OPN4: variants seen among roughly 807,000 people sequenced by gnomAD.
OPN4 encodes the protein melanopsin.
Under a neutral mutation model 49.5 loss-of-function variants are expected in OPN4, and 43 were observed. The ratio of observed to expected loss-of-function variants is 0.87; its 90% CI spans 0.68 to 1.12. The LOEUF (loss-of-function observed/expected upper bound fraction) is 1.12, where lower values mean the gene tolerates loss of function less well. OPN4 is among the 50% of genes most tolerant of loss of function. The probability of loss-of-function intolerance (pLI) is 0.00; values close to 1 mark genes in which losing one functional copy is unlikely to be tolerated. For missense variants in OPN4, 657 were observed against 643.9 expected (o/e 1.02, Z -0.22); for synonymous variants, 263 against 258.0 (o/e 1.02, Z -0.19).
At chr10:86,659,520 C>T (rs1373907767) in intron 5 of OPN4, 52 bp downstream of exon 5, 1 of 1,579,202 alleles carries the variant, frequency 6.3e-7, no homozygotes, top group Non-Finnish European at 8.6e-7. Flanking sequence ...GCCCCTCGGC[C>T]AGGCGGCCCC....
Position 86,666,428 on chromosome 10 carries a change from A to T in OPN4, c.*677A>T. 1.5e-5 allele frequency: 3 copies of T among 206,062 alleles called. No individual in the cohort carries two copies. The highest frequency in any genetic ancestry group is 8.8e-5 in the South Asian group (1 of 11,364). 12.8% of individuals were successfully genotyped at this position (206,062 alleles called of 1,614,324 possible). A position where few individuals can be genotyped will look rare whatever the true frequency, so the allele number is the denominator to read the frequency against. On this transcript the variant is annotated 3_prime_UTR_variant, in exon 10 of 10. Transcript: ENST00000241891. ...TGTGTGGATCTGACAGGGTATAGGA[A>T]AATAAAAAGCGGAGAAGGTGTCTTC... is the stretch of plus-strand genomic sequence containing the variant.
At position 86,659,291 on chromosome 10, in the gene OPN4, T is replaced by G. The variant is rs550007541; in HGVS notation, c.629-6T>G. ...CCAAAGGCTGAGCACCTGCCCTGGC[T>G]CCCAGGCGCCTACGTGCCCGAGGGG... is the stretch of plus-strand genomic sequence containing the variant. On this transcript the variant is annotated splice_polypyrimidine_tract_variant and splice_region_variant and intron_variant, in intron 4 of 9. Coordinates refer to ENST00000241891, the MANE Select transcript of OPN4 (RefSeq NM_033282.4). 1 of 1,609,182 alleles carries G rather than the reference T, an allele frequency of 6.2e-7. No homozygotes were observed. The highest frequency in any genetic ancestry group is 1.3e-5 in the African/African-American group (1 of 75,040).
chr10:86,659,862 T>G, intron 5 of OPN4, 33 bp from the exon 6 acceptor site: 1 of 1,608,184 alleles, frequency 6.2e-7, no homozygotes, highest in South Asian at 1.1e-5. Flanking sequence ...GCCACCCGAC[T>G]AGGGTCAGAC....
At chr10:86,660,763 C>G (rs141505508) in intron 6 of OPN4, among the ~76,000 whole-genome samples, 1 of 152,154 alleles carries the variant, frequency 6.6e-6, no homozygotes, top group Non-Finnish European at 1.5e-5. Context: ...ACCCCAAATT[C>G]GGCACATCTT....
intron 6 of OPN4, among the ~76,000 whole-genome samples, chr10:86,660,439 G>A (rs567199892): frequency 7.1e-4 from 108 of 152,350 alleles, no homozygotes; most frequent in South Asian, 1.2e-3. Flanking sequence ...CTAGCCCTTT[G>A]TGGCTAGAGT....
Position 86,656,237 on chromosome 10 carries a change from T to C in OPN4, c.227T>C (p.Val76Ala), listed in dbSNP as rs767077978. The part of the protein sequence containing the change: ...PDHAHYTLGT[V>A]ILLVGLTGML... ...CATGCCCACTATACCCTGGGCACAG[T>C]GATCTTGCTGGTGGGACTCACGGGG... The change falls in exon 2 of 10, where the codon GTG (valine) becomes GCG (alanine). Residue 76 changes from valine to alanine, a missense_variant. By Grantham distance (64) the Val-to-Ala change is moderately conservative. Transcript: ENST00000241891. 6 of 1,613,836 alleles carry C rather than the reference T, an allele frequency of 3.7e-6. No homozygotes were observed. In the African/African-American group the frequency reaches 5.3e-5, roughly 14 times the overall value.
At chr10:86,664,390 C>T (rs1844093466) in intron 9 of OPN4, among the ~76,000 whole-genome samples, 1 of 152,184 alleles carries the variant, frequency 6.6e-6, no homozygotes, top group African/African-American at 2.4e-5. Context: ...ATCAGGATGT[C>T]ACCCGGAATA....
rs1036039439 is a variant in OPN4 at position 86,659,183 on chromosome 10, A to G, written c.629-114A>G. On this transcript the variant is annotated intron_variant, in intron 4 of 9. Transcript: ENST00000241891. ...CTTCCTCACTGCATGGGACAGGGCC[A>G]GGTCAGGGCCAGGGCTGTGTATGGG... 5.1e-6 allele frequency: 4 copies of G among 779,288 alleles called. No homozygotes were observed. In the African/African-American group the frequency reaches 5.2e-5, roughly 10 times the overall value. 48.3% of individuals were successfully genotyped at this position (779,288 alleles called of 1,614,324 possible).
chr10:86,660,194 C>A (rs1843971091), intron 6 of OPN4, 135 bp downstream of exon 6: 1 of 1,013,900 alleles, frequency 9.9e-7, no homozygotes, highest in Non-Finnish European at 1.4e-6. Context: ...ACAGCTTATT[C>A]TCTCCCTGGG....
chr10:86,660,337 C>T (rs969768949), intron 6 of OPN4, among the ~76,000 whole-genome samples: 54 of 152,192 alleles, frequency 3.5e-4, no homozygotes, highest in African/African-American at 1.1e-3. Context: ...CACACAGTTC[C>T]TCTTGAGGTC....
At chr10:86,657,375 A>G (rs1287349774) in intron 2 of OPN4, 2 of 642,496 alleles carry the variant, frequency 3.1e-6, no homozygotes, top group African/African-American at 1.8e-5. Flanking sequence ...ATGGATGATG[A>G]CAGGAGCCGA....
chr10:86,654,813 GC>G lies in OPN4; in HGVS notation c.33del (p.Ser12AlafsTer65). The G allele has an allele frequency of 7.4e-7, 1 of 1,356,368 alleles. No individual in the cohort carries two copies. Among genetic ancestry groups the G allele is most frequent in the Non-Finnish European group, 1.0e-6 (1 of 975,862 alleles). The allele number at this position is 1,356,368 out of a possible 1,614,324, so 84.0% of individuals were successfully genotyped here. The stretch of plus-strand genomic sequence containing the variant: ...ACCCTCCTTCGGGGCCAAGAGTCCC[GC>G]CCAGCCCAACCCAAGAGCCCAGCTG... MNPPSGPRVP[P>X]SPTQEPSCMA... On this transcript the variant is annotated frameshift_variant, in exon 1 of 10. Coordinates refer to ENST00000241891, the MANE Select transcript of OPN4 (RefSeq NM_033282.4). LOFTEE classifies it high-confidence loss of function.
intron 2 of OPN4, 66 bp downstream of exon 2, chr10:86,656,366 TG>T: frequency 6.5e-7 from 1 of 1,527,936 alleles, no homozygotes; most frequent in Middle Eastern, 2.0e-4. Flanking sequence ...GGGAAGAAAA[TG>T]CAGGCAGGAA....
intron 8 of OPN4, 102 bp from the exon 9 acceptor site, chr10:86,663,557 A>C (rs1844069004): frequency 1.8e-6 from 2 of 1,132,418 alleles, no homozygotes; most frequent in South Asian, 2.3e-5. Context: ...TCCCGCAATG[A>C]ATACCTGTTG....
Position 86,666,287 on chromosome 10 carries a change from G to A in OPN4, c.*536G>A, listed in dbSNP as rs776058285. The A allele has an allele frequency of 6.4e-5, 12 of 186,826 alleles. No homozygotes were observed. The highest frequency in any genetic ancestry group is 1.2e-4 in the South Asian group (1 of 8,158). The allele number at this position is 186,826 out of a possible 1,614,324, so 11.6% of individuals were successfully genotyped here. A position where few individuals can be genotyped will look rare whatever the true frequency, so the allele number is the denominator to read the frequency against. ...CTGTGGCCCACATTCTTGTGCACGCGGGCATTTGCAGGCACGCTCTCGCGT... is the reference window on the plus strand; with the variant it reads ...CTGTGGCCCACATTCTTGTGCACGCAGGCATTTGCAGGCACGCTCTCGCGT... On this transcript the variant is annotated 3_prime_UTR_variant, in exon 10 of 10. Transcript: ENST00000241891.
intron 3 of OPN4, 103 bp downstream of exon 3, chr10:86,658,268 G>A: frequency 6.8e-7 from 1 of 1,477,092 alleles, no homozygotes; most frequent in Non-Finnish European, 9.2e-7. Context: ...CTGCTTCTGG[G>A]CAGAGAGTGG....
intron 9 of OPN4, among the ~76,000 whole-genome samples, chr10:86,664,448 A>C (rs1365929424): frequency 1.3e-5 from 2 of 152,160 alleles, no homozygotes; most frequent in Admixed American, 1.3e-4. Context: ...GTGCCTATGG[A>C]ACGGAATGTT....
chr10:86,658,856 C>A (rs1046656481), intron 4 of OPN4, among the ~76,000 whole-genome samples, 169 bp downstream of exon 4: 2 of 152,180 alleles, frequency 1.3e-5, no homozygotes, highest in Non-Finnish European at 2.9e-5. Flanking sequence ...GCAAGGGAAA[C>A]TGACACTGCC....
chr10:86,664,301 C>T (rs1844090704), intron 9 of OPN4, among the ~76,000 whole-genome samples: 1 of 152,188 alleles, frequency 6.6e-6, no homozygotes, highest in Non-Finnish European at 1.5e-5. Context: ...ATGTACCTCT[C>T]TGTGTGACTG....
Sources: allele counts gnomAD v4.1 joint callset (sites outside exome capture counted in the v4.1 genomes callset), GRCh38; gene constraint gnomAD v4.1.1; transcripts MANE v1.5; gene names NCBI Gene and HGNC (gene_info 2026-07-23, HGNC 2026-07-21).